The following NR2C1 variants were observed in gnomAD, a reference collection of about 807,000 sequenced individuals.
NR2C1 encodes TR2 nuclear hormone receptor.
A neutral mutation model predicts 74.8 loss-of-function variants in NR2C1; 33 were observed. The ratio of observed to expected loss-of-function variants is 0.44; its 90% CI spans 0.33 to 0.59. The LOEUF is 0.59. Ranked by LOEUF, NR2C1 falls within the 20% of genes least tolerant of loss-of-function variation. NR2C1 has a pLI of 0.02. For synonymous variants in NR2C1, 225 were observed against 240.6 expected (o/e 0.94, Z 0.60); for missense variants, 568 against 715.6 (o/e 0.79, Z 2.35).
chr12:95,054,143 C>T (rs1395257155), intron 7 of NR2C1, among the ~76,000 whole-genome samples: 1 of 152,062 alleles, frequency 6.6e-6, no homozygotes, highest in Non-Finnish European at 1.5e-5. Context: ...TACTGAAAAC[C>T]CTACCAGTTA....
At chr12:95,052,077 G>A (rs1351063614) in intron 7 of NR2C1, 134 bp from the exon 8 acceptor site, 2 of 519,212 alleles carry the variant, frequency 3.9e-6, no homozygotes, top group Admixed American at 3.9e-5. Context: ...TTAAAGGGCT[G>A]AGCTTTCAGA....
chr12:95,027,897 A>G (rs929347288), intron 12 of NR2C1, among the ~76,000 whole-genome samples: 2 of 152,216 alleles, frequency 1.3e-5, no homozygotes, highest in African/African-American at 4.8e-5. Context: ...GACCCTGGCA[A>G]CCACTTACCT....
At chr12:95,061,648 T>A (rs575763082) in intron 3 of NR2C1, among the ~76,000 whole-genome samples, 1 of 152,350 alleles carries the variant, frequency 6.6e-6, no homozygotes, top group Admixed American at 6.5e-5. Context: ...TCGTGTTTTA[T>A]GAATTCAGAG....
chr12:95,064,831 A>T (rs1875417105), intron 2 of NR2C1, among the ~76,000 whole-genome samples: 1 of 152,096 alleles, frequency 6.6e-6, no homozygotes, highest in Non-Finnish European at 1.5e-5. Context: ...TCTGTACCAA[A>T]TTTTTTCTAT....
At chr12:95,068,035 C>A (rs1376550380) in intron 1 of NR2C1, among the ~76,000 whole-genome samples, 2 of 152,026 alleles carry the variant, frequency 1.3e-5, no homozygotes, top group Non-Finnish European at 1.5e-5. Flanking sequence ...CCTGCCACCA[C>A]GCCAGCTAAT....
intron 9 of NR2C1, among the ~76,000 whole-genome samples, chr12:95,044,316 G>T (rs1184709428): frequency 6.6e-6 from 1 of 151,038 alleles, no homozygotes; most frequent in African/African-American, 2.4e-5. Flanking sequence ...CGCCCAGGCT[G>T]CAGTGCAGTG....
At chr12:95,041,472 A>C (rs1871525829) in intron 9 of NR2C1, among the ~76,000 whole-genome samples, 1 of 152,050 alleles carries the variant, frequency 6.6e-6, no homozygotes, top group African/African-American at 2.4e-5. Context: ...ACAGAGTGAG[A>C]CTCCATCTCA....
chr12:95,030,137 G>T (rs58414492), intron 11 of NR2C1, among the ~76,000 whole-genome samples: 3,127 of 152,158 alleles, frequency 0.021, 99 homozygotes, highest in African/African-American at 0.072. Context: ...CCTCCCAAAG[G>T]GCTGGAATTA....
intron 1 of NR2C1, among the ~76,000 whole-genome samples, chr12:95,069,419 G>T (rs1015681681): frequency 2.0e-5 from 3 of 152,130 alleles, no homozygotes; most frequent in Non-Finnish European, 4.4e-5. Flanking sequence ...CCTCTTCCAC[G>T]TTTAGATTTG....
intron 4 of NR2C1, 141 bp from the exon 5 acceptor site, chr12:95,058,630 T>A: frequency 1.5e-6 from 1 of 678,486 alleles, no homozygotes; most frequent in Non-Finnish European, 2.5e-6. Context: ...TTTTAGAAGT[T>A]ATTTTTATTT....
At chr12:95,025,977 T>TG (rs776562899) in intron 12 of NR2C1, among the ~76,000 whole-genome samples, 6 of 151,042 alleles carry the variant, frequency 4.0e-5, no homozygotes, top group South Asian at 2.1e-4. Context: ...GAGGCCGAGG[T>TG]GGGGGGGATC....
At chr12:95,045,327 G>T (rs79870568) in intron 9 of NR2C1, among the ~76,000 whole-genome samples, 1 of 152,314 alleles carries the variant, frequency 6.6e-6, no homozygotes, top group East Asian at 1.9e-4. Flanking sequence ...ATAGAGACCG[G>T]ACTTAATTTC....
rs535380402 is a variant in NR2C1, at chr12:95,062,630, T to C, written c.163A>G (p.Ser55Gly). 1.2e-6 allele frequency: 2 copies of C among 1,614,164 alleles called. No homozygotes were observed. The highest frequency in any genetic ancestry group is 2.2e-5 in the South Asian group (2 of 91,072). ...TCTTGCCTGGCCAGAATGACTTTGC[T>C]TGGAGTAGAGCCGTCGTGATTTGTC... ...ILTNHDGSTP[S>G]KVILARQDST... The change falls in exon 3 of 14, where the codon AGC (serine) becomes GGC (glycine). Residue 55 changes from serine to glycine, a missense_variant. By Grantham distance (56) the Ser-to-Gly change is moderately conservative. Transcript: ENST00000333003.
intron 10 of NR2C1, among the ~76,000 whole-genome samples, 185 bp downstream of exon 10, chr12:95,040,291 T>G (rs17269631): frequency 0.036 from 5,466 of 152,330 alleles, 172 homozygotes; most frequent in Middle Eastern, 0.095. Flanking sequence ...ATGGATACTC[T>G]TCCACATAAA....
intron 9 of NR2C1, among the ~76,000 whole-genome samples, chr12:95,044,920 A>C (rs1872118790): frequency 6.6e-6 from 1 of 152,032 alleles, no homozygotes; most frequent in Admixed American, 6.6e-5. Context: ...GAGGCTGAGC[A>C]CAAGCACAGT....
chr12:95,061,171 G>A (rs909195048), intron 3 of NR2C1, among the ~76,000 whole-genome samples: 1 of 152,184 alleles, frequency 6.6e-6, no homozygotes, highest in African/African-American at 2.4e-5. Context: ...AGGAAAGTCT[G>A]AGAAACTGTC....
At chr12:95,045,353 T>C (rs1202814573) in intron 9 of NR2C1, among the ~76,000 whole-genome samples, 1 of 152,074 alleles carries the variant, frequency 6.6e-6, no homozygotes, top group African/African-American at 2.4e-5. Context: ...ATATGGGCAA[T>C]GGGAAGCTAC....
rs1871190798 is a variant in NR2C1, at chr12:95,038,989, T to C, written c.1253+1487A>G. Among the ~76,000 whole-genome samples the C allele has an allele frequency of 3.3e-5, 5 of 152,148 alleles. 1 individual carries two copies. The South Asian group carries it at 1.0e-3, about 32-fold the overall frequency. Reference sequence around the variant, plus strand: ...TTGGGCGAGGTGGTGCATGCCTGTATGGGAGGCATCCATATAGGAGGATTG... The same window carrying C: ...TTGGGCGAGGTGGTGCATGCCTGTACGGGAGGCATCCATATAGGAGGATTG... On this transcript the variant is annotated intron_variant, in intron 10 of 13. Transcript: ENST00000333003.
chr12:95,041,497 A>C (rs1022520065), intron 9 of NR2C1, among the ~76,000 whole-genome samples: 1 of 152,056 alleles, frequency 6.6e-6, no homozygotes, highest in African/African-American at 2.4e-5. Context: ...AAAACAAAAC[A>C]AAAAAACCCA....
Sources: gnomAD v4.1 joint callset for allele counts (sites outside exome capture counted in the v4.1 genomes callset) on GRCh38, gnomAD v4.1.1 for gene constraint, MANE v1.5 for transcripts, NCBI Gene and HGNC (gene_info 2026-07-23, HGNC 2026-07-21) for gene names.